Variants in ANO4 observed in about 807,000 individuals in gnomAD.
ANO4 encodes the protein anoctamin-4.
ANO4 carries 69 observed loss-of-function variants against 141.9 expected under a neutral mutation model. That is an observed-to-expected ratio of 0.49 (90% CI 0.40 to 0.59). The LOEUF (loss-of-function observed/expected upper bound fraction) is 0.59. ANO4 is among the 20% of genes least tolerant of loss of function. The pLI is 0.00. For missense variants in ANO4, 894 were observed against 1,162.2 expected, an observed-to-expected ratio of 0.77 and a Z score of 3.36; for synonymous variants, 350 against 394.3, an observed-to-expected ratio of 0.89 and a Z score of 1.33.
At chr12:100,740,234 A>C in intron 3 of ANO4, 1 of 622,248 alleles carries the variant, frequency 1.6e-6, no homozygotes, top group South Asian at 1.8e-5. Context: ...CAATACCTCT[A>C]TGTTCATACT....
At chr12:100,946,996 G>A (rs1280413328) in intron 5 of ANO4, among the ~76,000 whole-genome samples, 1 of 152,188 alleles carries the variant, frequency 6.6e-6, no homozygotes, top group East Asian at 1.9e-4. Flanking sequence ...GGTGGTCTGG[G>A]CAAGAGAAGT....
chr12:100,861,657 A>G (rs976408556), intron 1 of ANO4, among the ~76,000 whole-genome samples: 8 of 152,290 alleles, frequency 5.3e-5, no homozygotes, highest in Admixed American at 3.3e-4. Context: ...CACTAAGGTT[A>G]AATTTTTTTG....
Position 100,940,546 on chromosome 12 carries a change from G to A in ANO4, c.297+1095G>A, listed in dbSNP as rs76893328. Among the ~76,000 whole-genome samples the A allele has an allele frequency of 2.6e-5, 4 of 152,314 alleles. No individual in the cohort carries two copies. The East Asian group carries it at 7.7e-4, about 29-fold the overall frequency. ...AGTGCTTATTCAGGTAGACTCCTGA[G>A]TGTCTCTTAATGTAAAATCCAAAAC... On this transcript the variant is annotated intron_variant, in intron 4 of 27. Coordinates refer to ENST00000392977, the MANE Select transcript of ANO4 (RefSeq NM_001286615.2).
At chr12:101,032,750 A>C (rs1036215548) in intron 9 of ANO4, among the ~76,000 whole-genome samples, 6 of 151,632 alleles carry the variant, frequency 4.0e-5, no homozygotes, top group African/African-American at 1.5e-4. Flanking sequence ...GAGAAATGCA[A>C]ATCAAAACCA....
intron 11 of ANO4, among the ~76,000 whole-genome samples, chr12:101,040,571 T>C (rs892389498): frequency 2.0e-5 from 3 of 152,328 alleles, no homozygotes; most frequent in South Asian, 4.1e-4. Flanking sequence ...ATATCAGCTT[T>C]TAACCTATGA....
chr12:101,079,775 C>T lies in ANO4; in HGVS notation c.1395+500C>T, dbSNP rs531645916. On this transcript the variant is annotated intron_variant, in intron 15 of 27. Transcript: ENST00000392977. ...ACTCTGAAGCGGCCACCTTGGGAGA[C>T]GTGGTTAAATGGAGGGCCAGCTCTA... Among the ~76,000 whole-genome samples the T allele has an allele frequency of 3.9e-5, 6 of 152,172 alleles. No individual in the cohort carries two copies. In the East Asian group the frequency reaches 5.8e-4, roughly 15 times the overall value.
intron 14 of ANO4, among the ~76,000 whole-genome samples, chr12:101,078,854 G>A (rs771348222): frequency 6.6e-6 from 1 of 152,144 alleles, no homozygotes; most frequent in Non-Finnish European, 1.5e-5. Context: ...AATAAATGCT[G>A]TATCAATTAG....
intron 1 of ANO4, among the ~76,000 whole-genome samples, chr12:100,834,965 A>C (rs1168495893): frequency 2.0e-5 from 3 of 152,140 alleles, no homozygotes; most frequent in African/African-American, 7.2e-5. Context: ...GGAATGAAGG[A>C]GAAGGAAAGT....
chr12:100,879,719 C>T (rs984515781), intron 1 of ANO4, among the ~76,000 whole-genome samples: 2 of 152,176 alleles, frequency 1.3e-5, no homozygotes, highest in Non-Finnish European at 2.9e-5. Flanking sequence ...TAATTGGCTC[C>T]TCCAATCACC....
chr12:101,083,546 A>G, intron 15 of ANO4, 132 bp from the exon 16 acceptor site: 1 of 1,132,874 alleles, frequency 8.8e-7, no homozygotes, highest in African/African-American at 1.6e-5. Flanking sequence ...TGGGCACCCA[A>G]ACCCACTTCA....
intron 1 of ANO4, among the ~76,000 whole-genome samples, chr12:100,727,738 A>AT (rs2031192552): frequency 6.6e-6 from 1 of 151,564 alleles, no homozygotes; most frequent in African/African-American, 2.4e-5. Flanking sequence ...TTTTCCTATG[A>AT]CTTTCCCCCT....
At chr12:100,952,743 C>A (rs967872256) in intron 5 of ANO4, among the ~76,000 whole-genome samples, 2 of 152,126 alleles carry the variant, frequency 1.3e-5, no homozygotes, top group Non-Finnish European at 2.9e-5. Context: ...TCCCTCCCTC[C>A]CTTAGTCTTA....
At chr12:100,839,463 A>G (rs1335977578) in intron 1 of ANO4, among the ~76,000 whole-genome samples, 5 of 152,222 alleles carry the variant, frequency 3.3e-5, no homozygotes, top group African/African-American at 1.2e-4. Context: ...ATATATTACA[A>G]AAAACAATCT....
At chr12:100,795,743 T>C (rs560192696) in intron 1 of ANO4, among the ~76,000 whole-genome samples, 42 of 152,348 alleles carry the variant, frequency 2.8e-4, no homozygotes, top group African/African-American at 8.7e-4. Flanking sequence ...GTTGACAACA[T>C]AGTTTTGTCC....
At chr12:100,819,278 C>T (rs1460289229) in intron 1 of ANO4, among the ~76,000 whole-genome samples, 1 of 151,688 alleles carries the variant, frequency 6.6e-6, no homozygotes, top group Admixed American at 6.6e-5. Flanking sequence ...AGAAAACCCA[C>T]AGTAGATTAA....
intron 25 of ANO4, 135 bp downstream of exon 25, chr12:101,116,933 A>T: frequency 8.0e-7 from 1 of 1,253,118 alleles, no homozygotes; most frequent in Non-Finnish European, 1.1e-6. Context: ...TTAAAAGCAC[A>T]TGAAGAATTT....
chr12:101,049,638 T>A (rs927539237), intron 14 of ANO4, among the ~76,000 whole-genome samples: 27 of 152,144 alleles, frequency 1.8e-4, no homozygotes, highest in African/African-American at 6.3e-4. Flanking sequence ...ACCAAAAGTA[T>A]TTATTTATGA....
chr12:100,905,026 C>G (rs1381568634), intron 2 of ANO4, among the ~76,000 whole-genome samples: 1 of 151,918 alleles, frequency 6.6e-6, no homozygotes, highest in African/African-American at 2.4e-5. Flanking sequence ...TTTTTTTGGC[C>G]TGAGTGAAAT....
chr12:100,958,105 T>G (rs1358308588), intron 5 of ANO4, among the ~76,000 whole-genome samples: 1 of 152,222 alleles, frequency 6.6e-6, no homozygotes, highest in East Asian at 1.9e-4. Flanking sequence ...ATTCTCTCAC[T>G]CCTTTATTCC....
Sources: allele counts gnomAD v4.1 joint callset (sites outside exome capture counted in the v4.1 genomes callset), GRCh38; gene constraint gnomAD v4.1.1; transcripts MANE v1.5; gene names NCBI Gene and HGNC (gene_info 2026-07-23, HGNC 2026-07-21).